Variants in MINDY3 observed in about 807,000 individuals in gnomAD.
MINDY3 encodes the protein ubiquitin carboxyl-terminal hydrolase MINDY-3.
Under a neutral mutation model 69.2 loss-of-function variants are expected in MINDY3, and 38 were observed. The ratio of observed to expected loss-of-function variants is 0.55; its 90% CI spans 0.42 to 0.72. MINDY3 has a LOEUF of 0.72. Ranked by LOEUF, MINDY3 falls within the 30% of genes least tolerant of loss-of-function variation. The pLI is 0.00. For missense variants in MINDY3, 522 were observed against 519.0 expected, an observed-to-expected ratio of 1.01 and a Z score of -0.06; for synonymous variants, 192 against 180.1, an observed-to-expected ratio of 1.07 and a Z score of -0.53.
At chr10:15,848,550 C>T (rs182657781) in intron 1 of MINDY3, among the ~76,000 whole-genome samples, 128 of 134,972 alleles carry the variant, frequency 9.5e-4, no homozygotes, top group Non-Finnish European at 1.5e-3. Context: ...CGAAGAATGG[C>T]GTGAACCTAG....
intron 4 of MINDY3, 44 bp from the exon 5 acceptor site, chr10:15,838,323 A>AC (rs776321071): frequency 1.3e-6 from 2 of 1,519,696 alleles, no homozygotes; most frequent in South Asian, 2.6e-5. Flanking sequence ...TGGCAAATAA[A>AC]TGACACAAGA....
chr10:15,824,614 C>T (rs1023305723), intron 8 of MINDY3, among the ~76,000 whole-genome samples: 7 of 152,094 alleles, frequency 4.6e-5, no homozygotes, highest in African/African-American at 1.7e-4. Flanking sequence ...TCTCCCTTTC[C>T]TTCTTAAATG....
chr10:15,815,771 TA>T (rs1350936439), intron 10 of MINDY3, among the ~76,000 whole-genome samples: 1 of 152,166 alleles, frequency 6.6e-6, no homozygotes, highest in African/African-American at 2.4e-5. Context: ...ACAACAATTC[TA>T]AAAGCTAGGT....
intron 14 of MINDY3, 120 bp downstream of exon 14, chr10:15,782,035 G>A: frequency 2.6e-6 from 2 of 759,604 alleles, no homozygotes; most frequent in Middle Eastern, 4.6e-4. Context: ...TGTCCTCATA[G>A]TAAAGAGACT....
intron 2 of MINDY3, among the ~76,000 whole-genome samples, chr10:15,843,835 T>C (rs1833649664): frequency 6.6e-6 from 1 of 152,118 alleles, no homozygotes; most frequent in Non-Finnish European, 1.5e-5. Flanking sequence ...CATTGGTTAT[T>C]TGATAAAAAG....
At chr10:15,806,716 C>A (rs1454413576) in intron 10 of MINDY3, among the ~76,000 whole-genome samples, 1 of 152,110 alleles carries the variant, frequency 6.6e-6, no homozygotes, top group Admixed American at 6.6e-5. Flanking sequence ...TGATCGTCAA[C>A]CTTTGGTTTC....
chr10:15,831,441 T>A (rs1476217655), intron 8 of MINDY3, among the ~76,000 whole-genome samples: 1 of 152,148 alleles, frequency 6.6e-6, no homozygotes, highest in African/African-American at 2.4e-5. Context: ...ATGCAAGAAA[T>A]ATACCCAATT....
At chr10:15,821,161 A>C (rs1480079392) in intron 9 of MINDY3, among the ~76,000 whole-genome samples, 2 of 152,234 alleles carry the variant, frequency 1.3e-5, no homozygotes, top group African/African-American at 4.8e-5. Flanking sequence ...TGCATGTGTC[A>C]AAGAGTTTAA....
chr10:15,810,919 G>C (rs1838955512), intron 10 of MINDY3, among the ~76,000 whole-genome samples: 1 of 152,106 alleles, frequency 6.6e-6, no homozygotes, highest in Admixed American at 6.6e-5. Context: ...AGAACGTCTA[G>C]AAGTGGACAA....
intron 8 of MINDY3, among the ~76,000 whole-genome samples, chr10:15,830,801 C>A (rs975077662): frequency 6.6e-6 from 1 of 152,098 alleles, no homozygotes; most frequent in Non-Finnish European, 1.5e-5. Flanking sequence ...GATTTCAGAT[C>A]ATAGAGAGTA....
chr10:15,845,173 C>T (rs1205760328), intron 2 of MINDY3, among the ~76,000 whole-genome samples: 1 of 152,146 alleles, frequency 6.6e-6, no homozygotes, highest in Non-Finnish European at 1.5e-5. Context: ...ATTATCTAAA[C>T]TTATCTTCCC....
chr10:15,853,286 C>T (rs918623898), intron 1 of MINDY3, among the ~76,000 whole-genome samples: 7 of 151,988 alleles, frequency 4.6e-5, no homozygotes, highest in Admixed American at 1.3e-4. Context: ...GGTGGTCCAC[C>T]GATAACCCTG....
At chr10:15,821,971 C>G (rs977456884) in intron 8 of MINDY3, among the ~76,000 whole-genome samples, 6 of 151,988 alleles carry the variant, frequency 3.9e-5, no homozygotes, top group African/African-American at 1.4e-4. Context: ...ATTTATAAAA[C>G]TTGATATTCA....
chr10:15,820,696 T>G (rs1839699453), intron 9 of MINDY3, among the ~76,000 whole-genome samples: 1 of 152,202 alleles, frequency 6.6e-6, no homozygotes, highest in Non-Finnish European at 1.5e-5. Context: ...CACCCAGTGT[T>G]CAAGTGAAAC....
chr10:15,851,067 C>T (rs893509303), intron 1 of MINDY3, among the ~76,000 whole-genome samples: 4 of 152,154 alleles, frequency 2.6e-5, no homozygotes, highest in Admixed American at 2.6e-4. Context: ...CTTATTTAAC[C>T]TTCCAAAGAA....
At chr10:15,841,365 AAT>A in intron 4 of MINDY3, 59 bp downstream of exon 4, 1 of 1,329,146 alleles carries the variant, frequency 7.5e-7, no homozygotes, top group East Asian at 2.4e-5. Context: ...CAAAATATTC[AAT>A]AGATTCATTA....
chr10:15,782,168 T>A lies in MINDY3; in HGVS notation c.1175A>T (p.Asn392Ile). 6.2e-7 allele frequency: 1 copy of A among 1,609,802 alleles called. No individual in the cohort carries two copies. The highest frequency in any genetic ancestry group is 8.5e-7 in the Non-Finnish European group (1 of 1,177,144). The change falls in exon 14 of 15, where the codon AAT becomes ATT. Residue 392 changes from asparagine to isoleucine, a missense_variant. Physicochemically the swap from Asn to Ile is moderately radical, Grantham distance 149 (BLOSUM62 -3). Coordinates refer to ENST00000277632, the MANE Select transcript of MINDY3 (RefSeq NM_024948.4). ...GAATTATCATACCTTTTCATTATAA[T>A]TTGACTGCTTCAATCCATTGTAGTG... ...VYHYNGLKQSNYNEKVMYVEG... is the reference protein window; with the variant it reads ...VYHYNGLKQSIYNEKVMYVEG...
At chr10:15,837,410 A>G in intron 5 of MINDY3, 92 bp from the exon 6 acceptor site, 3 of 1,217,518 alleles carry the variant, frequency 2.5e-6, no homozygotes, top group African/African-American at 1.6e-5. Flanking sequence ...ATACATTAAA[A>G]CATATACATA....
intron 11 of MINDY3, among the ~76,000 whole-genome samples, chr10:15,794,610 A>G (rs1837667731): frequency 1.3e-5 from 2 of 152,118 alleles, no homozygotes. Flanking sequence ...AAATACAACA[A>G]ATTTTCATAT....
Sources: allele counts gnomAD v4.1 joint callset (sites outside exome capture counted in the v4.1 genomes callset), GRCh38; gene constraint gnomAD v4.1.1; transcripts MANE v1.5; gene names NCBI Gene and HGNC (gene_info 2026-07-23, HGNC 2026-07-21).